POLR1D: variants seen among roughly 807,000 people sequenced by gnomAD.
The protein encoded by POLR1D is RNA polymerase I and III subunit D.
A neutral mutation model predicts 10.8 loss-of-function variants in POLR1D; 8 were observed. That is an observed-to-expected ratio of 0.74 (90% CI 0.43 to 1.33). POLR1D has a LOEUF of 1.33. Ranked by LOEUF, POLR1D falls within the 40% of genes most tolerant of loss-of-function variation. POLR1D has a pLI of 0.01. For missense variants in POLR1D, 152 were observed against 161.7 expected (o/e 0.94, Z 0.32); for synonymous variants, 54 against 57.2 (o/e 0.94, Z 0.25).
chr13:27,645,420 A>G (rs1956210321), intron 1 of POLR1D, among the ~76,000 whole-genome samples: 1 of 152,086 alleles, frequency 6.6e-6, no homozygotes. Context: ...CCTCTTCCTC[A>G]TTGCCCTTCT....
downstream of POLR1D, among the ~76,000 whole-genome samples, chr13:27,627,587 G>A (rs1394094122): frequency 1.3e-5 from 2 of 152,194 alleles, no homozygotes; most frequent in Non-Finnish European, 2.9e-5. Flanking sequence ...ATTCTTTCAT[G>A]AGCACTCATT....
At chr13:27,652,932 T>C in intron 2 of POLR1D, among the ~76,000 whole-genome samples, 1 of 145,038 alleles carries the variant, frequency 6.9e-6, no homozygotes. Flanking sequence ...TTTTTTTTTT[T>C]TTTTTGAGAC....
chr13:27,662,205 T>C (rs1196205611), intron 2 of POLR1D, among the ~76,000 whole-genome samples: 4 of 152,206 alleles, frequency 2.6e-5, no homozygotes, highest in Non-Finnish European at 5.9e-5. Context: ...TGTATTAGCC[T>C]ATTTGAGAGC....
upstream of POLR1D, chr13:27,621,386 C>A (rs1402446245): frequency 6.6e-6 from 1 of 152,464 alleles, no homozygotes; most frequent in African/African-American, 2.4e-5. Flanking sequence ...CGCCTTCAAC[C>A]TTCGTATTCT....
chr13:27,631,474 G>T (rs958513075), intron 1 of POLR1D, among the ~76,000 whole-genome samples: 1 of 152,164 alleles, frequency 6.6e-6, no homozygotes, highest in African/African-American at 2.4e-5. Flanking sequence ...GTACATGAGG[G>T]TCTGAATACC....
upstream of POLR1D, chr13:27,621,856 C>A (rs1220647116): frequency 3.1e-6 from 3 of 977,126 alleles, no homozygotes; most frequent in African/African-American, 3.2e-5. Flanking sequence ...GGCTCCTCCT[C>A]CCTCCTTCCG....
At chr13:27,656,354 CTGTGTA>C (rs367656558) in intron 2 of POLR1D, among the ~76,000 whole-genome samples, 13 of 152,152 alleles carry the variant, frequency 8.5e-5, no homozygotes, top group South Asian at 2.1e-4. Flanking sequence ...GTGTCTGTGT[CTGTGTA>C]TGTGTATGTG....
chr13:27,641,519 A>T (rs976912772), intron 1 of POLR1D, among the ~76,000 whole-genome samples: 3 of 152,206 alleles, frequency 2.0e-5, no homozygotes, highest in East Asian at 1.9e-4. Context: ...AAATATTAAT[A>T]TTAATCCAAA....
At chr13:27,624,443 G>A (rs1456287055), downstream of POLR1D, among the ~76,000 whole-genome samples, 3 of 152,082 alleles carry the variant, frequency 2.0e-5, no homozygotes, top group South Asian at 2.1e-4. Flanking sequence ...TTACACTAGC[G>A]TGCCATAGAG....
At position 27,663,162 on chromosome 13, in the gene POLR1D, G is replaced by A. The variant is rs1956381146; in HGVS notation, c.102-2524G>A. On this transcript the variant is annotated intron_variant, in intron 2 of 2. Coordinates refer to the POLR1D transcript ENST00000399697. The surrounding 1 kb of genome is among the most constrained non-coding windows in gnomAD (Gnocchi z 4.1). ...ATTTTGGAATTTCTTTATATAAAAT[G>A]ATTTACTATATGTACCTTCACATCT... 6.6e-6 allele frequency among the ~76,000 whole-genome samples: 1 copy of A among 152,202 alleles called. No individual in the cohort carries two copies. Among genetic ancestry groups the A allele is most frequent in the African/African-American group, 2.4e-5 (1 of 41,456 alleles).
chr13:27,624,358 A>G (rs932260556), downstream of POLR1D, among the ~76,000 whole-genome samples: 1 of 152,182 alleles, frequency 6.6e-6, no homozygotes, highest in Non-Finnish European at 1.5e-5. Flanking sequence ...CAGGTAGTGG[A>G]CACTTAGTAA....
chr13:27,645,690 C>T (rs113536658), intron 1 of POLR1D, among the ~76,000 whole-genome samples: 17 of 152,152 alleles, frequency 1.1e-4, no homozygotes, highest in African/African-American at 4.1e-4. Flanking sequence ...CCAGTGGGAA[C>T]ACGGTAGACA....
intron 1 of POLR1D, among the ~76,000 whole-genome samples, chr13:27,630,036 T>C (rs2138530325): frequency 6.6e-6 from 1 of 152,220 alleles, no homozygotes; most frequent in South Asian, 2.1e-4. Context: ...CTCAGCCTCC[T>C]GTGTAGCTGG....
At chr13:27,654,111 T>A (rs1727747733) in intron 2 of POLR1D, among the ~76,000 whole-genome samples, 1 of 152,206 alleles carries the variant, frequency 6.6e-6, no homozygotes, top group Admixed American at 6.5e-5. Context: ...TGATTTTAGC[T>A]CTATTTCAAT....
chr13:27,647,522 C>T (rs368714779), intron 1 of POLR1D, among the ~76,000 whole-genome samples: 14 of 152,084 alleles, frequency 9.2e-5, no homozygotes, highest in East Asian at 7.7e-4. Context: ...CACACCTAGC[C>T]GTCTCCAAAT....
In POLR1D at chr13:27,648,358, T is replaced by C. The variant is rs751778609; in HGVS notation, c.27-21T>C. 2.0e-6 allele frequency: 3 copies of C among 1,527,326 alleles called. No homozygotes were observed. The African/African-American group carries it at 4.1e-5, about 21-fold the overall frequency. The allele number at this position is 1,527,326 out of a possible 1,614,324, so 94.6% of individuals were successfully genotyped here. A position where few individuals can be genotyped will look rare whatever the true frequency, so the allele number is the denominator to read the frequency against. On this transcript the variant is annotated intron_variant, in intron 1 of 2. Transcript: ENST00000399697. ...CTTAGTAGGGTGACTGCCTCTCAAA[T>C]CTTTTCCTTTTTCTTATCAGGAAAG...
At chr13:27,665,632 TTGG>T (rs1956408296) in intron 2 of POLR1D, 1 of 1,536,162 alleles carries the variant, frequency 6.5e-7, no homozygotes, top group Non-Finnish European at 9.0e-7. Flanking sequence ...GGGTCCAGCT[TTGG>T]AGTTAACCAT....
At chr13:27,662,109 T>C (rs1024429079) in intron 2 of POLR1D, among the ~76,000 whole-genome samples, 1 of 152,220 alleles carries the variant, frequency 6.6e-6, no homozygotes, top group African/African-American at 2.4e-5. Flanking sequence ...TTCATAGAGA[T>C]TCTACTCTGT....
chr13:27,627,868 A>G (rs1245285446), downstream of POLR1D, among the ~76,000 whole-genome samples: 1 of 130,968 alleles, frequency 7.6e-6, no homozygotes, highest in Non-Finnish European at 1.6e-5. Flanking sequence ...AAGAGAGGAG[A>G]TAAAAGGATG....
Sources: gnomAD v4.1 joint callset for allele counts (sites outside exome capture counted in the v4.1 genomes callset) on GRCh38, gnomAD v4.1.1 for gene constraint, Gnocchi (gnomAD v3.1) non-coding constraint, MANE v1.5 for transcripts, NCBI Gene and HGNC (gene_info 2026-07-23, HGNC 2026-07-21) for gene names.